Variants in ATP8B4 observed in about 807,000 individuals in gnomAD.
The protein encoded by ATP8B4 is ATPase phospholipid transporting 8B4 (putative).
A neutral mutation model predicts 145.6 loss-of-function variants in ATP8B4; 133 were observed. The ratio of observed to expected loss-of-function variants is 0.91; its 90% CI spans 0.79 to 1.05. ATP8B4 has a LOEUF of 1.05. Among genes scored for constraint, ATP8B4 ranks in the 50% least tolerant of loss-of-function variants. The pLI is 0.00. For missense variants in ATP8B4, 1,458 were observed against 1,425.2 expected (o/e 1.02, Z -0.37); for synonymous variants, 507 against 492.9 (o/e 1.03, Z -0.38).
chr15:49,986,010 T>C (rs935459791), intron 10 of ATP8B4, among the ~76,000 whole-genome samples: 1 of 152,174 alleles, frequency 6.6e-6, no homozygotes, highest in Non-Finnish European at 1.5e-5. Flanking sequence ...CAATCCAAAT[T>C]CTGTGAACTT....
chr15:49,897,970 A>G, intron 22 of ATP8B4, 98 bp downstream of exon 22: 1 of 1,353,758 alleles, frequency 7.4e-7, no homozygotes, highest in Non-Finnish European at 1.0e-6. Flanking sequence ...CACTGGCAAA[A>G]TTAAATTTTA....
intron 17 of ATP8B4, among the ~76,000 whole-genome samples, chr15:49,920,791 G>C (rs892965417): frequency 1.3e-5 from 2 of 152,172 alleles, no homozygotes; most frequent in Non-Finnish European, 2.9e-5. Flanking sequence ...GAGGGACCCA[G>C]TGTGTTTTAT....
intron 20 of ATP8B4, among the ~76,000 whole-genome samples, chr15:49,915,748 T>C (rs184350401): frequency 5.9e-5 from 9 of 152,070 alleles, no homozygotes; most frequent in Admixed American, 5.9e-4. Context: ...ATTATATTAG[T>C]AGTAGCTAAT....
chr15:50,067,230 G>A (rs757188217), intron 3 of ATP8B4, among the ~76,000 whole-genome samples: 2 of 152,076 alleles, frequency 1.3e-5, no homozygotes, highest in Non-Finnish European at 2.9e-5. Flanking sequence ...GGCCATTTCC[G>A]TTTGGGGATT....
At chr15:50,140,240 T>C (rs1429589727) in intron 1 of ATP8B4, among the ~76,000 whole-genome samples, 4 of 152,184 alleles carry the variant, frequency 2.6e-5, no homozygotes, top group Non-Finnish European at 5.9e-5. Flanking sequence ...ATCACTGATA[T>C]CTAGGAGCTC....
At chr15:50,044,288 G>A (rs1277849875) in intron 5 of ATP8B4, among the ~76,000 whole-genome samples, 1 of 152,170 alleles carries the variant, frequency 6.6e-6, no homozygotes, top group Non-Finnish European at 1.5e-5. Flanking sequence ...AGTGAATGCA[G>A]GTTGATTTCC....
Position 50,076,820 on chromosome 15 carries a change from A to G in ATP8B4, c.29-2635T>C, listed in dbSNP as rs560351280. Among the ~76,000 whole-genome samples the G allele has an allele frequency of 7.6e-4, 116 of 152,348 alleles. 1 individual carries two copies. The highest frequency in any genetic ancestry group is 2.7e-3 in the African/African-American group (112 of 41,582). ...ATCCCTTCATTAAGTTCTGCAAAATACTGGCTTTGGTTCTAAATTGCTACA... is the reference window on the plus strand; with the variant it reads ...ATCCCTTCATTAAGTTCTGCAAAATGCTGGCTTTGGTTCTAAATTGCTACA... On this transcript the variant is annotated intron_variant, in intron 2 of 27. Transcript: ENST00000284509.
rs71424035 is a variant in ATP8B4, at chr15:49,869,263, T to TA, written c.3028-2780dup. Among the ~76,000 whole-genome samples, 505 of 150,044 alleles carry TA rather than the reference T, an allele frequency of 3.4e-3. 2 individuals carry two copies. The highest frequency in any genetic ancestry group is 0.011 in the African/African-American group (448 of 40,824). On this transcript the variant is annotated intron_variant, in intron 25 of 27. Coordinates refer to ENST00000284509, the MANE Select transcript of ATP8B4 (RefSeq NM_024837.4). ...TTAATGCATACAAGTATGAAAAAGTTAAAAAAAAAATTGAAAAGCAGAATT... is the reference window on the plus strand; with the variant it reads ...TTAATGCATACAAGTATGAAAAAGTTAAAAAAAAAAATTGAAAAGCAGAATT...
At chr15:49,934,868 C>T (rs768405307) in intron 14 of ATP8B4, among the ~76,000 whole-genome samples, 2 of 152,092 alleles carry the variant, frequency 1.3e-5, no homozygotes, top group African/African-American at 4.8e-5. Context: ...GCTGCAGAGT[C>T]CACATTTCCT....
chr15:50,013,210 G>C (rs1231461138), intron 6 of ATP8B4, among the ~76,000 whole-genome samples: 2 of 152,050 alleles, frequency 1.3e-5, no homozygotes, highest in Non-Finnish European at 2.9e-5. Flanking sequence ...ATTGGGTTTT[G>C]TCACCAACTT....
intron 25 of ATP8B4, among the ~76,000 whole-genome samples, chr15:49,869,191 C>T (rs1195707000): frequency 2.6e-5 from 4 of 151,914 alleles, no homozygotes; most frequent in East Asian, 1.9e-4. Context: ...GGATTACAGG[C>T]GTGAGCCACT....
Position 49,931,167 on chromosome 15 carries a change from G to A in ATP8B4, c.1594C>T (p.Leu532Phe). 6.2e-7 allele frequency: 1 copy of A among 1,612,312 alleles called. No individual in the cohort carries two copies. Among genetic ancestry groups the A allele is most frequent in the Non-Finnish European group, 8.5e-7 (1 of 1,178,944 alleles). Residue 532 changes from leucine to phenylalanine, a missense_variant, in exon 16 of 28, where the codon CTT (leucine) becomes TTT (phenylalanine). Coordinates refer to ENST00000284509, the MANE Select transcript of ATP8B4 (RefSeq NM_024837.4). Reference protein sequence around the residue: ...ELGTLVTYQLLAFLDFNNTRK... With the variant: ...ELGTLVTYQLFAFLDFNNTRK... ...GTGTTGTTGAAATCCAAAAAGGCAA[G>A]TAATTGATAAGTAACTAGTGTTCCC...
intron 3 of ATP8B4, among the ~76,000 whole-genome samples, chr15:50,065,484 T>C (rs942568710): frequency 1.2e-4 from 19 of 152,296 alleles, no homozygotes; most frequent in African/African-American, 4.6e-4. Flanking sequence ...TTAGTGGTTT[T>C]TTTCCGTTAA....
intron 20 of ATP8B4, among the ~76,000 whole-genome samples, chr15:49,912,474 A>G (rs1241993075): frequency 6.6e-6 from 1 of 152,198 alleles, no homozygotes; most frequent in Non-Finnish European, 1.5e-5. Flanking sequence ...AATCAGGAAG[A>G]AACGGAAAAT....
chr15:49,921,796 GGCAGTTGGTA>G (rs2040288746), intron 17 of ATP8B4, among the ~76,000 whole-genome samples: 1 of 152,176 alleles, frequency 6.6e-6, no homozygotes, highest in South Asian at 2.1e-4. Context: ...TTCTATAGTA[GGCAGTTGGTA>G]GCACTTCGGA....
intron 1 of ATP8B4, among the ~76,000 whole-genome samples, chr15:50,136,693 G>A (rs2044127635): frequency 6.6e-6 from 1 of 152,210 alleles, no homozygotes; most frequent in Non-Finnish European, 1.5e-5. Flanking sequence ...AACTTTGTGT[G>A]TCTTAAGAGG....
rs374782266 is a variant in ATP8B4 at position 49,962,031 on chromosome 15, A to G, written c.1244-11T>C. On this transcript the variant is annotated splice_polypyrimidine_tract_variant and intron_variant, in intron 13 of 27. Transcript: ENST00000284509. ...CATCATGTACTTCACCTGACAAAACAAAAATTGAGAATTAAAAGTAAGTGA... is the reference window on the plus strand; with the variant it reads ...CATCATGTACTTCACCTGACAAAACGAAAATTGAGAATTAAAAGTAAGTGA... 22 of 1,588,622 alleles carry G rather than the reference A, an allele frequency of 1.4e-5. No homozygotes were observed. The highest frequency in any genetic ancestry group is 7.5e-5 in the Admixed American group (4 of 53,598).
chr15:49,995,257 G>T (rs1449528307), intron 9 of ATP8B4, among the ~76,000 whole-genome samples: 1 of 152,124 alleles, frequency 6.6e-6, no homozygotes, highest in African/African-American at 2.4e-5. Flanking sequence ...ATTCTGCCGG[G>T]AAAGAAATGA....
intron 13 of ATP8B4, among the ~76,000 whole-genome samples, chr15:49,972,142 G>A (rs1235417096): frequency 6.6e-6 from 1 of 152,158 alleles, no homozygotes; most frequent in South Asian, 2.1e-4. Context: ...GGCTAGGGGA[G>A]GGATGGCATT....
Sources: gnomAD v4.1 joint callset for allele counts (sites outside exome capture counted in the v4.1 genomes callset) on GRCh38, gnomAD v4.1.1 for gene constraint, MANE v1.5 for transcripts, NCBI Gene and HGNC (gene_info 2026-07-23, HGNC 2026-07-21) for gene names.